The following CDH12 variants were observed in gnomAD, a reference collection of about 807,000 sequenced individuals.
The protein encoded by CDH12 is cadherin 12, also known as cadherin-12.
CDH12 carries 41 observed loss-of-function variants against 74.1 expected under a neutral mutation model. The ratio of observed to expected loss-of-function variants is 0.55; its 90% CI spans 0.43 to 0.72. The LOEUF (loss-of-function observed/expected upper bound fraction) is 0.72. Among genes scored for constraint, CDH12 ranks in the 30% least tolerant of loss-of-function variants. The pLI is 0.00. For missense variants in CDH12, 945 were observed against 977.2 expected, an observed-to-expected ratio of 0.97 and a Z score of 0.44; for synonymous variants, 399 against 355.0, an observed-to-expected ratio of 1.12 and a Z score of -1.39.
chr5:21,828,834 A>AT (rs796207691), intron 8 of CDH12, among the ~76,000 whole-genome samples: 365 of 133,788 alleles, frequency 2.7e-3, no homozygotes, highest in South Asian at 5.9e-3. Flanking sequence ...CATTTTGATG[A>AT]TTTTTTTTTC....
At chr5:22,190,373 TA>T (rs1341267320) in intron 4 of CDH12, among the ~76,000 whole-genome samples, 2 of 151,062 alleles carry the variant, frequency 1.3e-5, no homozygotes, top group African/African-American at 4.9e-5. Flanking sequence ...TCTATCTATC[TA>T]TCTATCTATC....
chr5:22,797,746 CAA>C (rs369530944), intron 1 of CDH12, among the ~76,000 whole-genome samples: 3,132 of 152,118 alleles, frequency 0.021, 100 homozygotes, highest in African/African-American at 0.071. Context: ...TTGTAAATCT[CAA>C]GTTTTTTATT....
chr5:22,142,554 A>C (rs1746873707), intron 4 of CDH12: 1 of 764,416 alleles, frequency 1.3e-6, no homozygotes, highest in African/African-American at 1.8e-5. Context: ...AACTCAGCTA[A>C]ATTTCCTGTA....
At chr5:21,986,619 A>G (rs1757526056) in intron 5 of CDH12, among the ~76,000 whole-genome samples, 1 of 152,096 alleles carries the variant, frequency 6.6e-6, no homozygotes. Context: ...ATTCATATCA[A>G]ATTTTCAGTA....
At chr5:21,775,782 T>G (rs377754931) in intron 11 of CDH12, among the ~76,000 whole-genome samples, 6 of 152,228 alleles carry the variant, frequency 3.9e-5, no homozygotes, top group Non-Finnish European at 1.5e-5. Context: ...AATTTTGATT[T>G]TATATTTAAT....
intron 4 of CDH12, among the ~76,000 whole-genome samples, chr5:22,079,865 T>C (rs938100609): frequency 1.3e-5 from 2 of 148,274 alleles, no homozygotes; most frequent in African/African-American, 5.0e-5. Flanking sequence ...AAATAAACAG[T>C]CAAATAAATA....
chr5:22,081,042 G>A (rs946279933), intron 4 of CDH12, among the ~76,000 whole-genome samples: 4 of 152,096 alleles, frequency 2.6e-5, no homozygotes, highest in Non-Finnish European at 5.9e-5. Context: ...GCCTCCCAAC[G>A]TGCTGGGATT....
At chr5:21,923,922 AGAT>A (rs1432081313) in intron 6 of CDH12, among the ~76,000 whole-genome samples, 1 of 152,192 alleles carries the variant, frequency 6.6e-6, no homozygotes, top group Non-Finnish European at 1.5e-5. Flanking sequence ...TGGAACATGC[AGAT>A]ATACTACTAG....
At chr5:22,024,975 CT>C (rs1340609923) in intron 5 of CDH12, among the ~76,000 whole-genome samples, 1 of 152,072 alleles carries the variant, frequency 6.6e-6, no homozygotes, top group Admixed American at 6.6e-5. Flanking sequence ...TGAGTAAATA[CT>C]TTTCAACAAT....
At chr5:22,154,512 TACAC>T (rs1254948421) in intron 4 of CDH12, among the ~76,000 whole-genome samples, 6 of 31,260 alleles carry the variant, frequency 1.9e-4, no homozygotes, top group African/African-American at 6.8e-4. Context: ...CATATATATG[TACAC>T]ATATATATAC....
intron 1 of CDH12, among the ~76,000 whole-genome samples, chr5:22,618,817 T>C (rs1737815995): frequency 6.6e-6 from 1 of 152,114 alleles, no homozygotes; most frequent in Admixed American, 6.6e-5. Context: ...AATTGAATCA[T>C]GGGGGTGGGT....
intron 2 of CDH12, among the ~76,000 whole-genome samples, chr5:22,491,822 C>T (rs1746884360): frequency 1.3e-5 from 2 of 151,954 alleles, no homozygotes; most frequent in Admixed American, 6.6e-5. Context: ...ATTTGCAGGG[C>T]TTGTTTCTTC....
intron 1 of CDH12, among the ~76,000 whole-genome samples, chr5:22,645,800 A>T (rs1424873757): frequency 6.6e-6 from 1 of 151,980 alleles, no homozygotes; most frequent in Non-Finnish European, 1.5e-5. Flanking sequence ...CAATGAGTCA[A>T]GAACCTCTAC....
chr5:22,337,866 G>T (rs1295252093), intron 3 of CDH12, among the ~76,000 whole-genome samples: 2 of 152,156 alleles, frequency 1.3e-5, no homozygotes, highest in African/African-American at 4.8e-5. Flanking sequence ...AAACCACAAT[G>T]AAATATCATC....
intron 9 of CDH12, among the ~76,000 whole-genome samples, chr5:21,807,574 G>A (rs907298810): frequency 6.6e-6 from 1 of 152,064 alleles, no homozygotes. Context: ...CAATTTTTTG[G>A]CATAAATTAT....
At chr5:22,271,193 T>C (rs1041507756) in intron 3 of CDH12, among the ~76,000 whole-genome samples, 4 of 152,184 alleles carry the variant, frequency 2.6e-5, no homozygotes, top group African/African-American at 9.7e-5. Context: ...AAATTTAATA[T>C]TCTCAACATT....
intron 6 of CDH12, among the ~76,000 whole-genome samples, chr5:21,934,584 A>T (rs1353357016): frequency 6.6e-6 from 1 of 152,202 alleles, no homozygotes; most frequent in Non-Finnish European, 1.5e-5. Flanking sequence ...GCACTTCCAT[A>T]CATATATATG....
At chr5:22,613,333 A>C (rs1737508996) in intron 1 of CDH12, among the ~76,000 whole-genome samples, 1 of 152,106 alleles carries the variant, frequency 6.6e-6, no homozygotes, top group Admixed American at 6.6e-5. Context: ...ATAGATATTG[A>C]CTTTAATGTG....
chr5:21,839,214 T>G (rs866634172), intron 8 of CDH12, among the ~76,000 whole-genome samples: 3 of 152,178 alleles, frequency 2.0e-5, no homozygotes, highest in South Asian at 2.1e-4. Context: ...AACAAATGCA[T>G]TATTTCTTTC....
Sources: gnomAD v4.1 joint callset for allele counts (sites outside exome capture counted in the v4.1 genomes callset) on GRCh38, gnomAD v4.1.1 for gene constraint, MANE v1.5 for transcripts, NCBI Gene and HGNC (gene_info 2026-07-23, HGNC 2026-07-21) for gene names.